SMOC2: variants seen among roughly 807,000 people sequenced by gnomAD.
SMOC2 encodes SPARC-related modular calcium-binding protein 2.
Under a neutral mutation model 61.4 loss-of-function variants are expected in SMOC2, and 39 were observed. That is an observed-to-expected ratio of 0.64 (90% confidence interval 0.49 to 0.83). The LOEUF (loss-of-function observed/expected upper bound fraction) is 0.83, where lower values mean the gene tolerates loss of function less well. Among genes scored for constraint, SMOC2 ranks in the 40% least tolerant of loss-of-function variants. SMOC2 has a pLI of 0.00. For synonymous variants in SMOC2, 247 were observed against 239.9 expected, an observed-to-expected ratio of 1.03 and a Z score of -0.27; for missense variants, 556 against 592.9, an observed-to-expected ratio of 0.94 and a Z score of 0.65.
intron 8 of SMOC2, among the ~76,000 whole-genome samples, chr6:168,604,245 C>G (rs917160279): frequency 2.6e-5 from 4 of 152,200 alleles, no homozygotes; most frequent in African/African-American, 9.6e-5. Flanking sequence ...AGCCAAAAAT[C>G]CCTTCCCTAG....
At chr6:168,637,397 G>A (rs1786767075) in intron 9 of SMOC2, among the ~76,000 whole-genome samples, 1 of 152,198 alleles carries the variant, frequency 6.6e-6, no homozygotes, top group Non-Finnish European at 1.5e-5. Flanking sequence ...GACAGCTGAA[G>A]TCCTGCATGC....
chr6:168,530,080 A>G (rs1432812480), intron 4 of SMOC2, among the ~76,000 whole-genome samples: 1 of 152,258 alleles, frequency 6.6e-6, no homozygotes, highest in Non-Finnish European at 1.5e-5. Context: ...CGAGGTTACC[A>G]TAGAAGCAGA....
chr6:168,552,581 C>T (rs1196105036), intron 7 of SMOC2, among the ~76,000 whole-genome samples: 2 of 152,176 alleles, frequency 1.3e-5, no homozygotes, highest in Non-Finnish European at 2.9e-5. Context: ...TGCCATGCAT[C>T]CAAATGCCCA....
At chr6:168,507,508 G>A (rs1782900827) in intron 1 of SMOC2, among the ~76,000 whole-genome samples, 1 of 152,228 alleles carries the variant, frequency 6.6e-6, no homozygotes. Flanking sequence ...CATTTTATAA[G>A]ATCCAAGCAG....
intron 12 of SMOC2, 149 bp from the exon 13 acceptor site, chr6:168,666,272 T>A: frequency 1.4e-6 from 1 of 704,998 alleles, no homozygotes; most frequent in East Asian, 2.8e-5. Flanking sequence ...CCAAAATGTC[T>A]TCATTGTTTC....
intron 9 of SMOC2, among the ~76,000 whole-genome samples, chr6:168,643,981 A>T (rs1475567727): frequency 6.6e-6 from 1 of 152,236 alleles, no homozygotes; most frequent in East Asian, 1.9e-4. Context: ...CACAGCTGGG[A>T]CATGCTCTTT....
chr6:168,524,636 C>A (rs1476479185), intron 2 of SMOC2, among the ~76,000 whole-genome samples: 1 of 152,220 alleles, frequency 6.6e-6, no homozygotes, highest in Non-Finnish European at 1.5e-5. Flanking sequence ...ACAGTCAAAA[C>A]CACAGGTTAT....
intron 4 of SMOC2, among the ~76,000 whole-genome samples, chr6:168,543,046 T>C (rs1783907725): frequency 6.6e-6 from 1 of 152,204 alleles, no homozygotes; most frequent in Non-Finnish European, 1.5e-5. Context: ...AGTGGATCCA[T>C]ATAGTGGCTT....
At chr6:168,546,277 A>G (rs10581408) in intron 5 of SMOC2, among the ~76,000 whole-genome samples, 1 of 125,282 alleles carries the variant, frequency 8.0e-6, no homozygotes, top group Non-Finnish European at 1.7e-5. Flanking sequence ...AAAAAAAAAA[A>G]GGATGATCCT....
At chr6:168,650,584 CT>C (rs1444198252) in intron 9 of SMOC2, 96 bp from the exon 10 acceptor site, 1 of 1,154,120 alleles carries the variant, frequency 8.7e-7, no homozygotes, top group Admixed American at 2.2e-5. Flanking sequence ...GGCCAAAATA[CT>C]CATTTCCAAA....
chr6:168,659,657 G>A (rs1364558252), intron 11 of SMOC2, among the ~76,000 whole-genome samples: 17 of 151,138 alleles, frequency 1.1e-4, no homozygotes, highest in East Asian at 1.9e-4. Context: ...TGAGGGTGGA[G>A]GTTGTAGGCT....
chr6:168,611,862 G>T (rs1212350100), intron 9 of SMOC2, among the ~76,000 whole-genome samples: 1 of 152,114 alleles, frequency 6.6e-6, no homozygotes, highest in East Asian at 1.9e-4. Context: ...GCTTCCTCAG[G>T]ATGCCCAGGC....
intron 7 of SMOC2, among the ~76,000 whole-genome samples, chr6:168,570,383 G>C (rs991507486): frequency 5.3e-5 from 8 of 152,134 alleles, no homozygotes; most frequent in Non-Finnish European, 1.0e-4. Context: ...CCACCGCGGG[G>C]GCCGACTGTG....
chr6:168,534,925 T>A (rs1389977781), intron 4 of SMOC2, among the ~76,000 whole-genome samples: 1 of 152,208 alleles, frequency 6.6e-6, no homozygotes. Context: ...TATAGGTCTA[T>A]TTAAAGAATA....
chr6:168,552,905 T>A (rs946101446), intron 7 of SMOC2, among the ~76,000 whole-genome samples: 5 of 144,844 alleles, frequency 3.5e-5, no homozygotes, highest in South Asian at 2.2e-4. Context: ...TCCTCCGAGA[T>A]GCTCTGCAGG....
chr6:168,639,210 G>A (rs910452489), intron 9 of SMOC2, among the ~76,000 whole-genome samples: 10 of 152,194 alleles, frequency 6.6e-5, no homozygotes, highest in African/African-American at 2.2e-4. Context: ...TGGGTGGCAT[G>A]TGTAGATGTA....
At chr6:168,458,950 TTAAG>T (rs1369949346) in intron 1 of SMOC2, among the ~76,000 whole-genome samples, 10 of 152,334 alleles carry the variant, frequency 6.6e-5, no homozygotes, top group African/African-American at 2.2e-4. Context: ...TTTATGGACA[TTAAG>T]TACTCCCTCT....
chr6:168,489,140 C>T (rs1052918757), intron 1 of SMOC2, among the ~76,000 whole-genome samples: 5 of 150,072 alleles, frequency 3.3e-5, no homozygotes, highest in Non-Finnish European at 7.4e-5. Context: ...CCTTGGATCA[C>T]ACTGTTGTAG....
At chr6:168,497,642 G>A (rs183742762) in intron 1 of SMOC2, among the ~76,000 whole-genome samples, 451 of 152,298 alleles carry the variant, frequency 3.0e-3, no homozygotes, top group African/African-American at 0.011. Context: ...GGACATTCAT[G>A]GGACCAATCC....
Sources: allele counts gnomAD v4.1 joint callset (sites outside exome capture counted in the v4.1 genomes callset), GRCh38; gene constraint gnomAD v4.1.1; transcripts MANE v1.5; gene names NCBI Gene and HGNC (gene_info 2026-07-23, HGNC 2026-07-21).